Variants in PCDH15 observed in about 807,000 individuals in gnomAD.
PCDH15 encodes the protein protocadherin-15.
Under a neutral mutation model 178.5 loss-of-function variants are expected in PCDH15, and 129 were observed. The ratio of observed to expected loss-of-function variants is 0.72; its 90% CI spans 0.63 to 0.84. PCDH15 has a LOEUF of 0.84. PCDH15 is among the 40% of genes least tolerant of loss of function. The pLI, the probability that PCDH15 is intolerant of heterozygous loss-of-function variation, is 0.00. For synonymous variants in PCDH15, 800 were observed against 732.0 expected (o/e 1.09, Z -1.50); for missense variants, 2,230 against 2,099.9 (o/e 1.06, Z -1.21).
At chr10:53,908,364 A>G (rs1460534494) in intron 25 of PCDH15, among the ~76,000 whole-genome samples, 1 of 152,230 alleles carries the variant, frequency 6.6e-6, no homozygotes, top group Non-Finnish European at 1.5e-5. Flanking sequence ...TAAAATGGAA[A>G]GTTTCCAAAT....
chr10:55,193,249 A>G (rs1485659423), intron 1 of PCDH15, among the ~76,000 whole-genome samples: 1 of 151,896 alleles, frequency 6.6e-6, no homozygotes, highest in African/African-American at 2.4e-5. Flanking sequence ...GCACCAATTA[A>G]AGAAGAACAG....
intron 3 of PCDH15, among the ~76,000 whole-genome samples, chr10:54,390,718 T>C (rs1216498107): frequency 6.6e-6 from 1 of 152,192 alleles, no homozygotes; most frequent in African/African-American, 2.4e-5. Flanking sequence ...AAGTGGGTCA[T>C]GAAAAGAATT....
chr10:55,201,619 T>G (rs1233307714), intron 1 of PCDH15, among the ~76,000 whole-genome samples: 2 of 152,198 alleles, frequency 1.3e-5, no homozygotes. Context: ...ACTTTTGCTC[T>G]GATGTAGTGG....
At chr10:54,287,611 AT>A (rs1185807119) in intron 8 of PCDH15, among the ~76,000 whole-genome samples, 1 of 151,880 alleles carries the variant, frequency 6.6e-6, no homozygotes. Context: ...ATTTTTGCCT[AT>A]TTTTTTCGTT....
intron 2 of PCDH15, among the ~76,000 whole-genome samples, chr10:54,536,175 C>T (rs2154266): frequency 0.2 from 29,770 of 152,144 alleles, 3,523 homozygotes; most frequent in Admixed American, 0.33. Context: ...ATACTAGTCA[C>T]ATTTAACACC....
chr10:54,242,003 C>A (rs2055356884), intron 8 of PCDH15, among the ~76,000 whole-genome samples: 1 of 150,096 alleles, frequency 6.7e-6, no homozygotes, highest in Non-Finnish European at 1.5e-5. Flanking sequence ...TGTTTTCATG[C>A]AGAACTGTTG....
intron 3 of PCDH15, among the ~76,000 whole-genome samples, chr10:54,434,843 A>G (rs550519239): frequency 6.6e-6 from 1 of 152,298 alleles, no homozygotes; most frequent in East Asian, 1.9e-4. Context: ...TTAGACCAAG[A>G]ATAGAAGACT....
At chr10:54,362,849 A>T (rs1946260145) in intron 5 of PCDH15, among the ~76,000 whole-genome samples, 1 of 152,078 alleles carries the variant, frequency 6.6e-6, no homozygotes, top group African/African-American at 2.4e-5. Context: ...CGTAATTCAT[A>T]TAGTTCATAT....
chr10:54,876,034 A>G (rs2131800426), intron 3 of PCDH15, among the ~76,000 whole-genome samples: 1 of 152,172 alleles, frequency 6.6e-6, no homozygotes, highest in Non-Finnish European at 1.5e-5. Flanking sequence ...AAATAGGCTA[A>G]CTCCCTTGTT....
At chr10:54,879,691 T>G (rs1954224799) in intron 3 of PCDH15, among the ~76,000 whole-genome samples, 1 of 151,168 alleles carries the variant, frequency 6.6e-6, no homozygotes, top group South Asian at 2.1e-4. Context: ...TTAAATATAT[T>G]AATATTTTAG....
intron 1 of PCDH15, among the ~76,000 whole-genome samples, chr10:55,211,016 T>C (rs1840557025): frequency 6.6e-6 from 1 of 151,990 alleles, no homozygotes; most frequent in Non-Finnish European, 1.5e-5. Context: ...AGATAACTAA[T>C]CAGAACATAT....
intron 2 of PCDH15, among the ~76,000 whole-genome samples, chr10:55,587,871 C>G (rs2132127807): frequency 6.6e-6 from 1 of 152,130 alleles, no homozygotes; most frequent in East Asian, 1.9e-4. Flanking sequence ...GTGCTCAGTA[C>G]AGGTTTGTTG....
At chr10:54,728,448 A>C (rs762402592) in intron 1 of PCDH15, among the ~76,000 whole-genome samples, 56 of 151,464 alleles carry the variant, frequency 3.7e-4, no homozygotes, top group Non-Finnish European at 7.7e-4. Context: ...TCAAAATATA[A>C]TAGCCTTCTA....
intron 10 of PCDH15, among the ~76,000 whole-genome samples, chr10:54,213,726 C>A (rs1002485323): frequency 3.9e-5 from 6 of 152,162 alleles, no homozygotes; most frequent in Middle Eastern, 6.8e-3. Context: ...TAGTATTTTA[C>A]CCCATAGTAC....
chr10:54,972,931 T>G (rs905419252), intron 2 of PCDH15, among the ~76,000 whole-genome samples: 19 of 148,206 alleles, frequency 1.3e-4, no homozygotes, highest in African/African-American at 4.5e-4. Context: ...TAAAAAAGAA[T>G]GAGGTATTAT....
At chr10:54,966,767 G>A (rs990023099) in intron 2 of PCDH15, among the ~76,000 whole-genome samples, 2 of 152,040 alleles carry the variant, frequency 1.3e-5, no homozygotes, top group African/African-American at 4.8e-5. Context: ...CTGCTGCCAT[G>A]AAAGACATGC....
chr10:54,771,333 T>G (rs1252677371), intron 1 of PCDH15, among the ~76,000 whole-genome samples: 2 of 151,856 alleles, frequency 1.3e-5, no homozygotes, highest in South Asian at 4.1e-4. Context: ...AGAAATCATG[T>G]TGTCAAAGTG....
chr10:55,384,423 ATAAAAACAC>A (rs1218715416), intron 2 of PCDH15, among the ~76,000 whole-genome samples: 1 of 152,062 alleles, frequency 6.6e-6, no homozygotes, highest in Non-Finnish European at 1.5e-5. Flanking sequence ...GTTATCTCAA[ATAAAAACAC>A]TAATAATGAT....
intron 2 of PCDH15, among the ~76,000 whole-genome samples, chr10:54,660,118 A>AC (rs1385511223): frequency 1.3e-5 from 2 of 152,162 alleles, no homozygotes; most frequent in Non-Finnish European, 2.9e-5. Context: ...TAAAAACCAA[A>AC]CAAGAGATTA....
Sources: gnomAD v4.1 joint callset for allele counts (sites outside exome capture counted in the v4.1 genomes callset) on GRCh38, gnomAD v4.1.1 for gene constraint, MANE v1.5 for transcripts, NCBI Gene and HGNC (gene_info 2026-07-23, HGNC 2026-07-21) for gene names.